The following NFIB variants were observed in gnomAD, a reference collection of about 807,000 sequenced individuals.
NFIB encodes the protein nuclear factor I B, also known as nuclear factor 1 B-type.
Under a neutral mutation model 61.5 loss-of-function variants are expected in NFIB, and 11 were observed. The observed-to-expected ratio is 0.18, with a 90% CI of 0.11 to 0.30. NFIB has a LOEUF of 0.30. Among genes scored for constraint, NFIB ranks in the 10% least tolerant of loss-of-function variants. The probability of loss-of-function intolerance (pLI) is 1.00; values close to 1 mark genes in which losing one functional copy is unlikely to be tolerated. For missense variants in NFIB, 471 were observed against 608.9 expected (o/e 0.77, Z 2.38); for synonymous variants, 260 against 216.5 (o/e 1.20, Z -1.76).
intron 1 of NFIB, among the ~76,000 whole-genome samples, chr9:14,344,611 GT>G (rs1024215107): frequency 2.0e-5 from 3 of 151,984 alleles, no homozygotes; most frequent in Admixed American, 6.6e-5. Context: ...AAATGACTGG[GT>G]TTTTTTAATA....
chr9:14,283,242 G>A (rs2058494925), intron 2 of NFIB, among the ~76,000 whole-genome samples: 1 of 152,182 alleles, frequency 6.6e-6, no homozygotes, highest in African/African-American at 2.4e-5. Context: ...AGGGGCTCTT[G>A]GGGAATGACT....
intron 2 of NFIB, among the ~76,000 whole-genome samples, chr9:14,199,873 G>C (rs1384951977): frequency 6.6e-6 from 1 of 152,102 alleles, no homozygotes; most frequent in Non-Finnish European, 1.5e-5. Context: ...TTACACATTA[G>C]TTGGCTCAAT....
At chr9:14,188,136 A>T (rs1481891447) in intron 2 of NFIB, among the ~76,000 whole-genome samples, 2 of 152,230 alleles carry the variant, frequency 1.3e-5, no homozygotes, top group Non-Finnish European at 2.9e-5. Context: ...GTCATTGTCA[A>T]GATTGCTGAC....
rs1461377796 is a variant in NFIB, at chr9:14,193,367, A to ACTT, written c.563-13590_563-13588dup. 2.6e-5 allele frequency among the ~76,000 whole-genome samples: 4 copies of ACTT among 152,282 alleles called. No individual in the cohort carries two copies. The East Asian group carries it at 7.7e-4, about 29-fold the overall frequency. On this transcript the variant is annotated intron_variant, in intron 2 of 10. Transcript: ENST00000380953. ...TATTTTTGTAAAATATGATACATTT[A>ACTT]CTTATATTTCATGCCACAAACAACT...
chr9:14,103,734 C>T (rs1048669277), intron 10 of NFIB, among the ~76,000 whole-genome samples: 1 of 151,784 alleles, frequency 6.6e-6, no homozygotes, highest in African/African-American at 2.4e-5. Flanking sequence ...ATTTCCAAAC[C>T]ACGTGTTTTA....
chr9:14,477,541 ATGGTGGGATG>A, the NFIB span, among the ~76,000 whole-genome samples: 1,189 of 152,308 alleles, frequency 7.8e-3, 14 homozygotes, highest in African/African-American at 0.027. Flanking sequence ...TATGTGGCAT[ATGGTGGGATG>A]TGCTGGTTGG....
intron 1 of NFIB, among the ~76,000 whole-genome samples, chr9:14,370,548 C>T (rs1359478215): frequency 1.3e-5 from 2 of 152,210 alleles, no homozygotes; most frequent in African/African-American, 2.4e-5. Context: ...AATTTGTGAA[C>T]ATATCTACTT....
chr9:14,445,120 C>A, the NFIB span, among the ~76,000 whole-genome samples: 8 of 152,112 alleles, frequency 5.3e-5, no homozygotes, highest in African/African-American at 9.7e-5. Flanking sequence ...CTGGCCCCAA[C>A]TATTTGTTGC....
chr9:14,530,870 G>A, the NFIB span, among the ~76,000 whole-genome samples: 1 of 149,766 alleles, frequency 6.7e-6, no homozygotes, highest in Non-Finnish European at 1.5e-5. Flanking sequence ...ACGAGTAAAA[G>A]CAATCAAGAC....
chr9:14,204,294 C>T, intron 2 of NFIB: 3 of 693,714 alleles, frequency 4.3e-6, no homozygotes, highest in Non-Finnish European at 7.8e-6. Flanking sequence ...GCTCCGGCCC[C>T]TGCTGTCTTG....
the NFIB span, among the ~76,000 whole-genome samples, chr9:14,415,794 G>C: frequency 2.6e-5 from 4 of 152,156 alleles, no homozygotes; most frequent in African/African-American, 9.7e-5. Flanking sequence ...CACCAAGATG[G>C]CTTTGGGGAA....
intron 2 of NFIB, among the ~76,000 whole-genome samples, chr9:14,258,192 A>G (rs1477375690): frequency 6.6e-6 from 1 of 152,250 alleles, no homozygotes; most frequent in Non-Finnish European, 1.5e-5. Context: ...CCACAGTTTT[A>G]TAACTGCTCT....
At chr9:14,273,215 C>G (rs1157426281) in intron 2 of NFIB, among the ~76,000 whole-genome samples, 1 of 152,084 alleles carries the variant, frequency 6.6e-6, no homozygotes, top group African/African-American at 2.4e-5. Flanking sequence ...GTCTCTTTCC[C>G]CCTCATCAAT....
chr9:14,165,178 T>C (rs758378154), intron 3 of NFIB, among the ~76,000 whole-genome samples: 1 of 152,196 alleles, frequency 6.6e-6, no homozygotes, highest in Non-Finnish European at 1.5e-5. Context: ...CTGGATTTTA[T>C]GTATCCTTTA....
At chr9:14,379,144 C>T (rs2061454550) in intron 1 of NFIB, among the ~76,000 whole-genome samples, 1 of 152,198 alleles carries the variant, frequency 6.6e-6, no homozygotes, top group African/African-American at 2.4e-5. Context: ...TGGTGTATCT[C>T]TCTTTCTACA....
At chr9:14,386,555 G>C (rs910282359) in intron 1 of NFIB, among the ~76,000 whole-genome samples, 3 of 152,168 alleles carry the variant, frequency 2.0e-5, no homozygotes, top group Admixed American at 6.5e-5. Context: ...TCATAAAGGG[G>C]GGAGAAATAT....
At chr9:14,429,247 G>A in the NFIB span, among the ~76,000 whole-genome samples, 1 of 152,082 alleles carries the variant, frequency 6.6e-6, no homozygotes, top group Admixed American at 6.5e-5. Context: ...GAAGGGAAGG[G>A]GAGTACTGGT....
the NFIB span, among the ~76,000 whole-genome samples, chr9:14,465,974 C>T: frequency 3.3e-5 from 5 of 152,158 alleles, no homozygotes; most frequent in Admixed American, 1.3e-4. Context: ...AGGTCGTAGG[C>T]CCCCAACACT....
chr9:14,195,694 C>G (rs1488757214), intron 2 of NFIB, among the ~76,000 whole-genome samples: 1 of 152,170 alleles, frequency 6.6e-6, no homozygotes, highest in African/African-American at 2.4e-5. Context: ...ACATTAGACT[C>G]CCATTCAAAG....
Sources: gnomAD v4.1 joint callset for allele counts (sites outside exome capture counted in the v4.1 genomes callset) on GRCh38, gnomAD v4.1.1 for gene constraint, MANE v1.5 for transcripts, NCBI Gene and HGNC (gene_info 2026-07-23, HGNC 2026-07-21) for gene names.